The following SRGAP2C variants were observed in gnomAD, a reference collection of about 807,000 sequenced individuals.
The protein encoded by SRGAP2C is SLIT-ROBO Rho GTPase activating protein 2C, also known as SLIT-ROBO Rho GTPase-activating protein 2C.
A neutral mutation model predicts 25.1 loss-of-function variants in SRGAP2C; 15 were observed. That is an observed-to-expected ratio of 0.60 (90% CI 0.40 to 0.92). SRGAP2C has a LOEUF of 0.92. Among genes scored for constraint, SRGAP2C ranks in the 40% least tolerant of loss-of-function variants. The pLI, the probability that SRGAP2C is intolerant of heterozygous loss-of-function variation, is 0.00. For missense variants in SRGAP2C, 144 were observed against 264.4 expected (o/e 0.54, Z 3.16); for synonymous variants, 44 against 96.6 (o/e 0.46, Z 3.19).
At chr1:121,293,740 C>A (rs1657537823) in intron 3 of SRGAP2C, among the ~76,000 whole-genome samples, 2 of 145,464 alleles carry the variant, frequency 1.4e-5, no homozygotes, top group African/African-American at 5.1e-5. Context: ...AGTGGGCACT[C>A]ATCACCTCCC....
At chr1:121,185,240 CCT>C (rs1353336776) in intron 1 of SRGAP2C, 116 bp downstream of exon 1, 4 of 523,222 alleles carry the variant, frequency 7.6e-6, no homozygotes, top group Admixed American at 4.3e-5. Flanking sequence ...CGCGGCATCG[CCT>C]TAGCGGTGCC....
intron 2 of SRGAP2C, 57 bp from the exon 3 acceptor site, chr1:121,284,746 G>T: frequency 4.3e-6 from 2 of 463,918 alleles, no homozygotes; most frequent in South Asian, 5.7e-5. Flanking sequence ...ATATTGGCAT[G>T]CATGGTGGTT....
At chr1:121,308,700 A>G (rs1198118496) in intron 3 of SRGAP2C, among the ~76,000 whole-genome samples, 1 of 151,456 alleles carries the variant, frequency 6.6e-6, no homozygotes, top group African/African-American at 2.4e-5. Context: ...GCACTTTGGG[A>G]GGCCAATGTG....
intron 4 of SRGAP2C, among the ~76,000 whole-genome samples, chr1:121,355,264 A>G (rs2101638553): frequency 6.8e-6 from 1 of 146,292 alleles, no homozygotes; most frequent in African/African-American, 2.5e-5. Flanking sequence ...TAAATGACAT[A>G]TATGGATACT....
At chr1:121,383,432 T>A (rs1659881474) in intron 8 of SRGAP2C, among the ~76,000 whole-genome samples, 1 of 151,664 alleles carries the variant, frequency 6.6e-6, no homozygotes, top group Non-Finnish European at 1.5e-5. Context: ...TTTGGCAGAG[T>A]TCTGAATAAT....
At chr1:121,203,317 A>AG (rs1343243472) in intron 2 of SRGAP2C, among the ~76,000 whole-genome samples, 1 of 151,948 alleles carries the variant, frequency 6.6e-6, no homozygotes, top group African/African-American at 2.4e-5. Flanking sequence ...TGGTTGATAG[A>AG]GGAAGATGAT....
chr1:121,218,812 T>C (rs1260422996), intron 2 of SRGAP2C, among the ~76,000 whole-genome samples: 2 of 152,116 alleles, frequency 1.3e-5, no homozygotes, highest in African/African-American at 2.4e-5. Context: ...CAGGGCTTTT[T>C]CTTAAAGTGT....
At chr1:121,374,437 C>G (rs1659583170) in intron 6 of SRGAP2C, among the ~76,000 whole-genome samples, 1 of 151,984 alleles carries the variant, frequency 6.6e-6, no homozygotes, top group Non-Finnish European at 1.5e-5. Context: ...CTTTCCCAAT[C>G]CATTTTCCAA....
rs1659293628 is a variant in SRGAP2C, at chr1:121,365,418, A to G, written c.486+63A>G. On this transcript the variant is annotated intron_variant, in intron 5 of 9. Coordinates refer to ENST00000367123, the MANE Select transcript of SRGAP2C (RefSeq NM_001329984.2). ...AGGGAAGCAGCATTTGGCAGCTTGCAGCCATAGTACATCAGCAACAGAACT... is the reference window on the plus strand; with the variant it reads ...AGGGAAGCAGCATTTGGCAGCTTGCGGCCATAGTACATCAGCAACAGAACT... 8 of 443,366 alleles carry G rather than the reference A, an allele frequency of 1.8e-5. 3 individuals are homozygous for G. The East Asian group carries it at 3.0e-4, about 16-fold the overall frequency. The allele number at this position is 443,366 out of a possible 1,614,324, so 27.5% of individuals were successfully genotyped here.
chr1:121,235,071 G>C (rs1553328238), intron 2 of SRGAP2C, among the ~76,000 whole-genome samples: 1 of 143,288 alleles, frequency 7.0e-6, no homozygotes, highest in African/African-American at 2.7e-5. Context: ...CCCCAGGCTG[G>C]AGTGCAGTGG....
intron 2 of SRGAP2C, among the ~76,000 whole-genome samples, chr1:121,224,770 G>A (rs587655773): frequency 4.4e-4 from 67 of 152,036 alleles, no homozygotes; most frequent in Middle Eastern, 3.4e-3. Flanking sequence ...CTCTGTGCCC[G>A]TTTATAAATA....
intron 2 of SRGAP2C, among the ~76,000 whole-genome samples, chr1:121,201,504 C>T (rs1392838895): frequency 1.5e-4 from 23 of 152,060 alleles, no homozygotes; most frequent in Non-Finnish European, 3.4e-4. Flanking sequence ...GAGACAGAAA[C>T]CTCCCAAGTT....
At chr1:121,310,138 T>G (rs1570775477) in intron 3 of SRGAP2C, among the ~76,000 whole-genome samples, 1 of 22,404 alleles carries the variant, frequency 4.5e-5, no homozygotes, top group East Asian at 1.7e-3. Context: ...AGATGATATC[T>G]CATAGTGGTT....
At chr1:121,304,128 G>A (rs1159380296) in intron 3 of SRGAP2C, among the ~76,000 whole-genome samples, 1 of 150,812 alleles carries the variant, frequency 6.6e-6, no homozygotes, top group Non-Finnish European at 1.5e-5. Flanking sequence ...GGAGAATGGG[G>A]TGAACCCGGG....
At chr1:121,244,419 G>T (rs1177263475) in intron 2 of SRGAP2C, among the ~76,000 whole-genome samples, 5 of 122,130 alleles carry the variant, frequency 4.1e-5, no homozygotes, top group African/African-American at 1.3e-4. Flanking sequence ...TTTTCCTACA[G>T]TTGGTTTAGT....
intron 2 of SRGAP2C, among the ~76,000 whole-genome samples, chr1:121,239,243 A>AC (rs1656056323): frequency 2.1e-4 from 1 of 4,656 alleles, no homozygotes; most frequent in South Asian, 4.2e-3. Context: ...ATATATATAT[A>AC]TACTATATAT....
At chr1:121,222,646 A>C (rs1271176297) in intron 2 of SRGAP2C, among the ~76,000 whole-genome samples, 1 of 152,194 alleles carries the variant, frequency 6.6e-6, no homozygotes, top group African/African-American at 2.4e-5. Context: ...CTAACAAAAA[A>C]ACCCCTAAAA....
intron 2 of SRGAP2C, among the ~76,000 whole-genome samples, chr1:121,259,348 C>T (rs201517486): frequency 2.1e-4 from 30 of 144,680 alleles, no homozygotes; most frequent in East Asian, 6.1e-4. Context: ...GGCATGGTGG[C>T]GCACGCTTGT....
chr1:121,375,350 G>T, intron 7 of SRGAP2C, among the ~76,000 whole-genome samples: 3 of 106,354 alleles, frequency 2.8e-5, no homozygotes, highest in Non-Finnish European at 3.7e-5. Context: ...TTGAGATAGA[G>T]TCTTGCTTTG....
Sources: gnomAD v4.1 joint callset for allele counts (sites outside exome capture counted in the v4.1 genomes callset) on GRCh38, gnomAD v4.1.1 for gene constraint, MANE v1.5 for transcripts, NCBI Gene and HGNC (gene_info 2026-07-23, HGNC 2026-07-21) for gene names.